CNTNAP2: variants seen among roughly 807,000 people sequenced by gnomAD.
CNTNAP2 encodes contactin associated protein 2.
Under a neutral mutation model 155.2 loss-of-function variants are expected in CNTNAP2, and 98 were observed. The ratio of observed to expected loss-of-function variants is 0.63; its 90% CI spans 0.54 to 0.75. The LOEUF (loss-of-function observed/expected upper bound fraction) is 0.75, where lower values mean the gene tolerates loss of function less well. Among genes scored for constraint, CNTNAP2 ranks in the 30% least tolerant of loss-of-function variants. The pLI is 0.00. For synonymous variants in CNTNAP2, 651 were observed against 631.2 expected (o/e 1.03, Z -0.47); for missense variants, 1,727 against 1,688.1 (o/e 1.02, Z -0.40).
chr7:147,570,884 G>C (rs2116807161), intron 12 of CNTNAP2, among the ~76,000 whole-genome samples: 1 of 152,282 alleles, frequency 6.6e-6, no homozygotes, highest in East Asian at 1.9e-4. Context: ...AGATTCTGTA[G>C]TACGATTTGC....
At chr7:147,377,754 C>T (rs922610049) in intron 9 of CNTNAP2, among the ~76,000 whole-genome samples, 3 of 151,604 alleles carry the variant, frequency 2.0e-5, no homozygotes, top group Non-Finnish European at 4.4e-5. Flanking sequence ...TAAATTCTAC[C>T]TTTTGTTTTC....
intron 17 of CNTNAP2, among the ~76,000 whole-genome samples, chr7:148,152,836 C>G (rs543409194): frequency 6.6e-6 from 1 of 151,770 alleles, no homozygotes; most frequent in Admixed American, 6.6e-5. Flanking sequence ...CTGGCTAGCA[C>G]GGTGAAACCC....
chr7:147,427,329 G>C (rs978429418), intron 10 of CNTNAP2, among the ~76,000 whole-genome samples: 7 of 152,034 alleles, frequency 4.6e-5, no homozygotes, highest in Non-Finnish European at 1.0e-4. Context: ...TCAAACCACT[G>C]CAAAACAGAA....
In CNTNAP2 at chr7:147,552,607, C is replaced by CACAG. The variant is rs199934935; in HGVS notation, c.1778-9530_1778-9529insCAGA. 3.5e-3 allele frequency among the ~76,000 whole-genome samples: 511 copies of CACAG among 144,832 alleles called. 6 individuals carry two copies. The highest frequency in any genetic ancestry group is 0.012 in the African/African-American group (481 of 39,748). ...ACACACACACACACACACACACACA[C>CACAG]AGAGATATAAATAAGAAAAATCTAC... On this transcript the variant is annotated intron_variant, in intron 11 of 23. Transcript: ENST00000361727.
At chr7:147,975,086 T>G (rs1185462399) in intron 14 of CNTNAP2, among the ~76,000 whole-genome samples, 1 of 151,578 alleles carries the variant, frequency 6.6e-6, no homozygotes, top group Non-Finnish European at 1.5e-5. Flanking sequence ...ATAATACAAT[T>G]TTTTGTATTA....
At chr7:146,152,117 T>G (rs1354614509) in intron 1 of CNTNAP2, among the ~76,000 whole-genome samples, 2 of 152,128 alleles carry the variant, frequency 1.3e-5, no homozygotes. Flanking sequence ...TCAATCTATG[T>G]GTCCATCAAT....
At chr7:148,147,130 G>A (rs183298468) in intron 16 of CNTNAP2, among the ~76,000 whole-genome samples, 2 of 152,212 alleles carry the variant, frequency 1.3e-5, no homozygotes, top group East Asian at 1.9e-4. Context: ...GACAAACCTT[G>A]GTTCAGTTCG....
rs761663690 is a variant in CNTNAP2 at position 148,217,409 on chromosome 7, G to T, written c.3132G>T (p.Pro1044=). ...DNAPDQQNSH[P]DLAQEEIRFS... ...CTCCCGACCAGCAGAACTCCCACCC[G>T]GACCTGGCACAGGAGGAGATCCGCT... The change falls in exon 19 of 24, where the codon CCG becomes CCT. Residue 1044 remains proline (P), a synonymous_variant. Coordinates refer to ENST00000361727, the MANE Select transcript of CNTNAP2 (RefSeq NM_014141.6). 1 of 1,614,058 alleles carries T rather than the reference G, an allele frequency of 6.2e-7. No individual in the cohort carries two copies. The highest frequency in any genetic ancestry group is 1.7e-5 in the Admixed American group (1 of 60,018).
chr7:147,492,864 C>T (rs1029480066), intron 11 of CNTNAP2, among the ~76,000 whole-genome samples: 1 of 152,146 alleles, frequency 6.6e-6, no homozygotes, highest in Non-Finnish European at 1.5e-5. Flanking sequence ...TCTCCGCCCC[C>T]GCTCCTCTGT....
At chr7:146,466,981 T>C (rs919542071) in intron 1 of CNTNAP2, among the ~76,000 whole-genome samples, 4 of 152,210 alleles carry the variant, frequency 2.6e-5, no homozygotes, top group Admixed American at 2.6e-4. Flanking sequence ...TTCAAATTTA[T>C]TTCAATGTAC....
At chr7:147,523,359 G>A (rs1799262620) in intron 11 of CNTNAP2, among the ~76,000 whole-genome samples, 1 of 152,152 alleles carries the variant, frequency 6.6e-6, no homozygotes, top group Admixed American at 6.5e-5. Flanking sequence ...CCACAGTCTT[G>A]TAATAGTCTA....
intron 15 of CNTNAP2, among the ~76,000 whole-genome samples, chr7:148,011,992 A>G (rs1287628993): frequency 2.0e-5 from 3 of 152,206 alleles, no homozygotes; most frequent in Non-Finnish European, 4.4e-5. Flanking sequence ...GTGCAATTCA[A>G]TCCTCTCGCT....
rs1563101815 is a variant in CNTNAP2 at position 146,483,324 on chromosome 7, T to TATATATATAC, written c.98-290942_98-290941insTATACATATA. 7.2e-5 allele frequency among the ~76,000 whole-genome samples: 6 copies of TATATATATAC among 83,790 alleles called. No homozygotes were observed. The East Asian group carries it at 8.5e-4, about 12-fold the overall frequency. The allele number at this position is 83,790 out of a possible 152,430, so 55.0% of individuals were successfully genotyped here. ...ATATATATATATATATATATATATATATATACATATATATATATTTAAGCA... is the reference window on the plus strand; with the variant it reads ...ATATATATATATATATATATATATATATATATATACATATACATATATATATATTTAAGCA... On this transcript the variant is annotated intron_variant, in intron 1 of 23. Coordinates refer to ENST00000361727, the MANE Select transcript of CNTNAP2 (RefSeq NM_014141.6).
intron 8 of CNTNAP2, among the ~76,000 whole-genome samples, chr7:147,272,266 C>T (rs1158412660): frequency 1.3e-5 from 2 of 152,170 alleles, no homozygotes; most frequent in African/African-American, 4.8e-5. Flanking sequence ...CTCATCCTCT[C>T]TTCTGACACC....
intron 1 of CNTNAP2, among the ~76,000 whole-genome samples, chr7:146,316,889 G>C (rs914711817): frequency 3.9e-5 from 6 of 151,944 alleles, no homozygotes; most frequent in African/African-American, 1.2e-4. Context: ...ACGGGAGGTC[G>C]TCAGAGGAGG....
At chr7:147,633,920 C>T (rs1677403838) in intron 12 of CNTNAP2, among the ~76,000 whole-genome samples, 1 of 152,094 alleles carries the variant, frequency 6.6e-6, no homozygotes, top group East Asian at 1.9e-4. Flanking sequence ...TTACCTTATT[C>T]CTGCAAGAAT....
chr7:147,115,315 G>T (rs531786327), intron 5 of CNTNAP2, among the ~76,000 whole-genome samples: 1 of 152,214 alleles, frequency 6.6e-6, no homozygotes, highest in Non-Finnish European at 1.5e-5. Context: ...ATCATCTTGT[G>T]GAGTATCTTA....
At chr7:147,366,105 T>G (rs185908913) in intron 9 of CNTNAP2, among the ~76,000 whole-genome samples, 1 of 152,342 alleles carries the variant, frequency 6.6e-6, no homozygotes, top group Admixed American at 6.5e-5. Context: ...TTATTTTAGA[T>G]GCAAATAGCA....
chr7:148,170,966 G>T (rs1805781713), intron 17 of CNTNAP2, among the ~76,000 whole-genome samples: 1 of 152,050 alleles, frequency 6.6e-6, no homozygotes, highest in Admixed American at 6.6e-5. Flanking sequence ...TGAGACCCCT[G>T]ACTGGAAAGT....
Sources: allele counts gnomAD v4.1 joint callset (sites outside exome capture counted in the v4.1 genomes callset), GRCh38; gene constraint gnomAD v4.1.1; transcripts MANE v1.5; gene names NCBI Gene and HGNC (gene_info 2026-07-23, HGNC 2026-07-21).